MAD1L1: variants seen among roughly 807,000 people sequenced by gnomAD.
MAD1L1 encodes mitotic arrest deficient 1 like 1.
MAD1L1 carries 95 observed loss-of-function variants against 96.9 expected under a neutral mutation model. The observed-to-expected ratio is 0.98, with a 90% CI of 0.83 to 1.16. The LOEUF (loss-of-function observed/expected upper bound fraction) is 1.16, where lower values mean the gene tolerates loss of function less well. MAD1L1 is among the 50% of genes most tolerant of loss of function. The pLI is 0.00. For synonymous variants in MAD1L1, 473 were observed against 396.6 expected, an observed-to-expected ratio of 1.19 and a Z score of -2.29; for missense variants, 1,007 against 954.4, an observed-to-expected ratio of 1.06 and a Z score of -0.73.
chr7:2,157,883 T>C (rs1001551946), intron 10 of MAD1L1, among the ~76,000 whole-genome samples: 1 of 152,180 alleles, frequency 6.6e-6, no homozygotes, highest in Admixed American at 6.5e-5. Flanking sequence ...GGGGATTAGC[T>C]AAGTGCTCGT....
chr7:1,892,569 T>C (rs1786613773), intron 18 of MAD1L1, among the ~76,000 whole-genome samples: 1 of 152,226 alleles, frequency 6.6e-6, no homozygotes, highest in Admixed American at 6.5e-5. Context: ...GCATTTCCTT[T>C]GAGTGACAGA....
intron 15 of MAD1L1, among the ~76,000 whole-genome samples, 199 bp from the exon 16 acceptor site, chr7:1,957,918 G>A (rs1485502699): frequency 6.6e-6 from 1 of 152,234 alleles, no homozygotes; most frequent in African/African-American, 2.4e-5. Context: ...CAGGATGGGG[G>A]AGTCCGTGGC....
rs572428160 is a variant in MAD1L1 at position 1,963,881 on chromosome 7, C to T, written c.1506-6162G>A. 3.7e-4 allele frequency among the ~76,000 whole-genome samples: 57 copies of T among 152,326 alleles called. No homozygotes were observed. In the South Asian group the frequency reaches 6.6e-3, roughly 18 times the overall value. ...AGCACAGCCCAGTGTCACCGTCTCTCGGCAGGGTGGCCGTGCAGTGTGAGA... is the reference window on the plus strand; with the variant it reads ...AGCACAGCCCAGTGTCACCGTCTCTTGGCAGGGTGGCCGTGCAGTGTGAGA... On this transcript the variant is annotated intron_variant, in intron 15 of 18. Coordinates refer to ENST00000265854, the MANE Select transcript of MAD1L1 (RefSeq NM_001013836.2).
At chr7:1,906,858 G>A (rs1002853743) in intron 17 of MAD1L1, among the ~76,000 whole-genome samples, 4 of 152,242 alleles carry the variant, frequency 2.6e-5, no homozygotes, top group African/African-American at 9.6e-5. Flanking sequence ...ACACACAGCG[G>A]ACGGGACACA....
At chr7:1,837,622 C>G (rs1783002904) in intron 18 of MAD1L1, among the ~76,000 whole-genome samples, 1 of 152,206 alleles carries the variant, frequency 6.6e-6, no homozygotes, top group Non-Finnish European at 1.5e-5. Context: ...CTGTTGATAC[C>G]ATAGCAACAC....
At chr7:2,199,170 C>A (rs1370618308) in intron 10 of MAD1L1, among the ~76,000 whole-genome samples, 2 of 152,222 alleles carry the variant, frequency 1.3e-5, no homozygotes, top group African/African-American at 4.8e-5. Flanking sequence ...ATTTGCAAAG[C>A]GAGGAAACTG....
chr7:2,044,934 C>T (rs541657394), intron 12 of MAD1L1, among the ~76,000 whole-genome samples: 1 of 152,190 alleles, frequency 6.6e-6, no homozygotes, highest in Non-Finnish European at 1.5e-5. Flanking sequence ...GTCACCTCCC[C>T]ACTCTGATGA....
At chr7:2,208,270 G>A (rs1463923440) in intron 10 of MAD1L1, among the ~76,000 whole-genome samples, 4 of 151,948 alleles carry the variant, frequency 2.6e-5, no homozygotes, top group Admixed American at 1.3e-4. Context: ...CTTGTATCCC[G>A]TGACCCTGTA....
At chr7:2,104,307 C>T (rs1786970296) in intron 11 of MAD1L1, among the ~76,000 whole-genome samples, 2 of 152,368 alleles carry the variant, frequency 1.3e-5, no homozygotes, top group African/African-American at 4.8e-5. Context: ...GATGAGGCCC[C>T]GGAGAGAAAA....
intron 11 of MAD1L1, among the ~76,000 whole-genome samples, chr7:2,096,142 G>A (rs1447877735): frequency 1.3e-5 from 2 of 152,264 alleles, no homozygotes; most frequent in South Asian, 2.1e-4. Context: ...ACGCCACACA[G>A]GCTGTGCTCA....
chr7:2,219,848 G>A (rs1793501012), intron 5 of MAD1L1, among the ~76,000 whole-genome samples: 1 of 152,148 alleles, frequency 6.6e-6, no homozygotes, highest in African/African-American at 2.4e-5. Flanking sequence ...TGACAGAGGA[G>A]ACCGGGCCCC....
chr7:1,968,767 G>A lies in MAD1L1; in HGVS notation c.1506-11048C>T, dbSNP rs150323918. 2.0e-5 allele frequency among the ~76,000 whole-genome samples: 3 copies of A among 152,360 alleles called. No individual in the cohort carries two copies. The highest frequency in any genetic ancestry group is 1.9e-4 in the East Asian group (1 of 5,190). On this transcript the variant is annotated intron_variant, in intron 15 of 18. Coordinates refer to ENST00000265854, the MANE Select transcript of MAD1L1 (RefSeq NM_001013836.2). The surrounding 1 kb of genome is among the most constrained non-coding windows in gnomAD (Gnocchi z 5.6). The stretch of plus-strand genomic sequence containing the variant: ...ACAATGAAACACATCACACAAGCTC[G>A]CTTCGGGGGCGTTCTAGGGACTCCT...
intron 15 of MAD1L1, among the ~76,000 whole-genome samples, chr7:1,975,258 C>T (rs1562575412): frequency 2.6e-5 from 4 of 152,362 alleles, no homozygotes; most frequent in Admixed American, 1.3e-4. Context: ...CAGTCCATCA[C>T]CAGGCCCCCT....
At chr7:2,232,151 C>A (rs1387892851) in intron 1 of MAD1L1, among the ~76,000 whole-genome samples, 2 of 152,230 alleles carry the variant, frequency 1.3e-5, no homozygotes, top group Non-Finnish European at 2.9e-5. Flanking sequence ...GGCCGGCCCA[C>A]CAGCCACAAC....
At chr7:2,185,172 T>G (rs1254434126) in intron 10 of MAD1L1, among the ~76,000 whole-genome samples, 3 of 149,494 alleles carry the variant, frequency 2.0e-5, no homozygotes, top group African/African-American at 7.5e-5. Flanking sequence ...AGAATCTCAC[T>G]CTTGGGGTGT....
In MAD1L1 at chr7:1,985,521, C is replaced by T. The variant is rs575199657; in HGVS notation, c.1417-4980G>A. Among the ~76,000 whole-genome samples, 35 of 152,364 alleles carry T rather than the reference C, an allele frequency of 2.3e-4. 1 individual carries two copies. The highest frequency in any genetic ancestry group is 8.4e-4 in the African/African-American group (35 of 41,586). ...GCTCTAGGGAGCCTAACATGCAGCT[C>T]GATCTGCTCTCCCCACCTGATACTA... On this transcript the variant is annotated intron_variant, in intron 14 of 18. Coordinates refer to ENST00000265854, the MANE Select transcript of MAD1L1 (RefSeq NM_001013836.2).
At chr7:2,189,941 G>A (rs914441255) in intron 10 of MAD1L1, among the ~76,000 whole-genome samples, 3 of 152,164 alleles carry the variant, frequency 2.0e-5, no homozygotes, top group Non-Finnish European at 2.9e-5. Context: ...GACAAGGCCA[G>A]GACAGCCATT....
intron 11 of MAD1L1, chr7:2,089,095 C>G (rs146137548): frequency 6.6e-6 from 1 of 152,290 alleles, no homozygotes; most frequent in Non-Finnish European, 1.5e-5. Context: ...ACGGCCGACT[C>G]GGGCCCTGCT....
chr7:1,913,853 G>T (rs1583763963), intron 17 of MAD1L1, among the ~76,000 whole-genome samples: 1 of 152,300 alleles, frequency 6.6e-6, no homozygotes, highest in East Asian at 1.9e-4. Context: ...CCTATGGGAA[G>T]AATCCTGCAG....
Sources: gnomAD v4.1 joint callset for allele counts (sites outside exome capture counted in the v4.1 genomes callset) on GRCh38, gnomAD v4.1.1 for gene constraint, Gnocchi (gnomAD v3.1) non-coding constraint, MANE v1.5 for transcripts, NCBI Gene and HGNC (gene_info 2026-07-23, HGNC 2026-07-21) for gene names.